The following PPARGC1A variants were observed in gnomAD, a reference collection of about 807,000 sequenced individuals.
The protein encoded by PPARGC1A is PPARG coactivator 1 alpha, also known as peroxisome proliferator-activated receptor gamma coactivator 1-alpha.
Under a neutral mutation model 88.7 loss-of-function variants are expected in PPARGC1A, and 25 were observed. That is an observed-to-expected ratio of 0.28 (90% CI 0.21 to 0.39). PPARGC1A has a LOEUF of 0.39. Among genes scored for constraint, PPARGC1A ranks in the 10% least tolerant of loss-of-function variants. The pLI is 1.00. For synonymous variants in PPARGC1A, 363 were observed against 355.6 expected (o/e 1.02, Z -0.24); for missense variants, 880 against 968.7 (o/e 0.91, Z 1.22).
the PPARGC1A span, among the ~76,000 whole-genome samples, chr4:23,963,500 T>C: frequency 6.6e-6 from 1 of 152,218 alleles, no homozygotes; most frequent in Non-Finnish European, 1.5e-5. Context: ...GGGTATTTAA[T>C]GCCTTTGTCT....
chr4:24,027,026 A>G, the PPARGC1A span, among the ~76,000 whole-genome samples: 2 of 152,140 alleles, frequency 1.3e-5, no homozygotes, highest in Admixed American at 6.6e-5. Flanking sequence ...GAGACATACA[A>G]GGAAAGCTGT....
the PPARGC1A span, among the ~76,000 whole-genome samples, chr4:23,997,392 A>G: frequency 3.9e-5 from 6 of 152,036 alleles, no homozygotes; most frequent in South Asian, 6.2e-4. Flanking sequence ...CTAGGATTAC[A>G]GGATTAAGAG....
At chr4:24,464,376 A>C in the PPARGC1A span, among the ~76,000 whole-genome samples, 2 of 152,234 alleles carry the variant, frequency 1.3e-5, no homozygotes, top group African/African-American at 2.4e-5. Context: ...TTCCTCATTC[A>C]AAAGCTGTAA....
chr4:23,962,786 C>T, the PPARGC1A span, among the ~76,000 whole-genome samples: 1 of 152,054 alleles, frequency 6.6e-6, no homozygotes, highest in East Asian at 1.9e-4. Context: ...TGCCTTTTAC[C>T]TCTTCCATTT....
At chr4:24,380,484 C>A in the PPARGC1A span, among the ~76,000 whole-genome samples, 1 of 152,124 alleles carries the variant, frequency 6.6e-6, no homozygotes, top group Admixed American at 6.5e-5. Flanking sequence ...CAGCCTCATC[C>A]TTTTTGGATG....
the PPARGC1A span, among the ~76,000 whole-genome samples, chr4:24,039,195 C>A: frequency 6.6e-6 from 1 of 152,070 alleles, no homozygotes; most frequent in South Asian, 2.1e-4. Flanking sequence ...CATATCTTAA[C>A]GGGATAAAAG....
chr4:23,918,179 G>A, the PPARGC1A span, among the ~76,000 whole-genome samples: 1 of 152,050 alleles, frequency 6.6e-6, no homozygotes, highest in Non-Finnish European at 1.5e-5. Context: ...ATAAGTGCTA[G>A]ATTTGGGGAG....
chr4:24,093,310 A>G, the PPARGC1A span, among the ~76,000 whole-genome samples: 2 of 152,222 alleles, frequency 1.3e-5, no homozygotes, highest in Non-Finnish European at 1.5e-5. Context: ...ACCTCGGTCA[A>G]TTGTGACACT....
the PPARGC1A span, among the ~76,000 whole-genome samples, chr4:23,945,050 C>A: frequency 6.6e-6 from 1 of 152,084 alleles, no homozygotes; most frequent in South Asian, 2.1e-4. Flanking sequence ...AGTCATTGCA[C>A]ATATCTCATA....
the PPARGC1A span, among the ~76,000 whole-genome samples, chr4:23,916,038 T>C: frequency 2.0e-5 from 3 of 152,212 alleles, no homozygotes; most frequent in Admixed American, 2.0e-4. Context: ...ACAATTTATT[T>C]AGCCTCTCTG....
At chr4:23,986,406 A>G in the PPARGC1A span, among the ~76,000 whole-genome samples, 3 of 152,092 alleles carry the variant, frequency 2.0e-5, no homozygotes, top group Non-Finnish European at 4.4e-5. Context: ...ACTCCAGGTA[A>G]CATTCAGTTA....
the PPARGC1A span, among the ~76,000 whole-genome samples, chr4:24,034,293 G>C: frequency 6.6e-6 from 1 of 152,160 alleles, no homozygotes; most frequent in African/African-American, 2.4e-5. Flanking sequence ...ACAAAAAAAG[G>C]ACACATACAT....
At chr4:24,351,216 G>C in the PPARGC1A span, among the ~76,000 whole-genome samples, 10 of 116,902 alleles carry the variant, frequency 8.6e-5, no homozygotes, top group South Asian at 2.7e-3. Flanking sequence ...GAGTGACAGA[G>C]CAAACCCTTG....
At chr4:23,884,542 GATTT>G (rs1716533326) in intron 2 of PPARGC1A, 3 of 462,990 alleles carry the variant, frequency 6.5e-6, no homozygotes, top group East Asian at 3.3e-5. Flanking sequence ...GTCCCTAGTT[GATTT>G]ATTTTTTAAA....
chr4:24,200,670 A>AAAAAAAAAAAAAAAC, the PPARGC1A span, among the ~76,000 whole-genome samples: 1 of 146,904 alleles, frequency 6.8e-6, no homozygotes, highest in Admixed American at 6.7e-5. Flanking sequence ...AAAAAAAAAA[A>AAAAAAAAAAAAAAAC]ACTCCAGTAG....
the PPARGC1A span, among the ~76,000 whole-genome samples, chr4:24,455,784 C>A: frequency 6.6e-6 from 1 of 152,318 alleles, no homozygotes; most frequent in South Asian, 2.1e-4. Flanking sequence ...CTACCTTCTG[C>A]CATGAAATGA....
chr4:24,305,037 T>G, the PPARGC1A span, among the ~76,000 whole-genome samples: 1 of 151,884 alleles, frequency 6.6e-6, no homozygotes, highest in Non-Finnish European at 1.5e-5. Flanking sequence ...TCAAGTAGGT[T>G]GTTGCAAGGA....
At chr4:23,981,997 A>C in the PPARGC1A span, among the ~76,000 whole-genome samples, 2 of 152,194 alleles carry the variant, frequency 1.3e-5, no homozygotes, top group African/African-American at 4.8e-5. Flanking sequence ...GCCAGAATTA[A>C]GCAGAAAAAG....
At chr4:23,823,121 G>A (rs1366852079) in intron 7 of PPARGC1A, among the ~76,000 whole-genome samples, 1 of 46,246 alleles carries the variant, frequency 2.2e-5, no homozygotes, top group Non-Finnish European at 4.0e-5. Flanking sequence ...AAATATTCCT[G>A]TAAAAAAAAA....
Sources: gnomAD v4.1 joint callset for allele counts (sites outside exome capture counted in the v4.1 genomes callset) on GRCh38, gnomAD v4.1.1 for gene constraint, MANE v1.5 for transcripts, NCBI Gene and HGNC (gene_info 2026-07-23, HGNC 2026-07-21) for gene names.